Variants in NUBPL observed in about 807,000 individuals in gnomAD.
NUBPL encodes the protein iron-sulfur cluster transfer protein NUBPL.
A neutral mutation model predicts 45.7 loss-of-function variants in NUBPL; 31 were observed. That is an observed-to-expected ratio of 0.68 (90% CI 0.51 to 0.92). The LOEUF is 0.92. Ranked by LOEUF, NUBPL falls within the 40% of genes least tolerant of loss-of-function variation. The pLI is 0.00. For missense variants in NUBPL, 401 were observed against 398.7 expected (o/e 1.01, Z -0.05); for synonymous variants, 144 against 140.9 (o/e 1.02, Z -0.15).
chr14:31,671,151 G>A (rs886296643), intron 4 of NUBPL, among the ~76,000 whole-genome samples: 1 of 152,050 alleles, frequency 6.6e-6, no homozygotes, highest in Admixed American at 6.6e-5. Context: ...TGTTCTTTGA[G>A]CAGTGTTTTG....
intron 4 of NUBPL, among the ~76,000 whole-genome samples, chr14:31,664,389 A>C (rs1461984776): frequency 6.6e-6 from 1 of 152,118 alleles, no homozygotes; most frequent in Non-Finnish European, 1.5e-5. Context: ...AATCGCTTTT[A>C]TTATTTTGAG....
chr14:31,781,124 A>C (rs2039184554), intron 6 of NUBPL, among the ~76,000 whole-genome samples: 1 of 152,238 alleles, frequency 6.6e-6, no homozygotes, highest in Non-Finnish European at 1.5e-5. Flanking sequence ...AAAGACATCA[A>C]AAAGTTCAAA....
At chr14:31,684,063 A>G (rs1170440065) in intron 6 of NUBPL, among the ~76,000 whole-genome samples, 2 of 152,156 alleles carry the variant, frequency 1.3e-5, no homozygotes, top group Non-Finnish European at 1.5e-5. Flanking sequence ...TTCCAGAATT[A>G]CATCCATAGC....
At chr14:31,750,575 T>G (rs1240179485) in intron 6 of NUBPL, among the ~76,000 whole-genome samples, 1 of 152,086 alleles carries the variant, frequency 6.6e-6, no homozygotes, top group Non-Finnish European at 1.5e-5. Flanking sequence ...ATAATTATCA[T>G]GTTCTTTGGA....
At chr14:31,601,703 C>G (rs1377272179) in intron 4 of NUBPL, among the ~76,000 whole-genome samples, 2 of 152,128 alleles carry the variant, frequency 1.3e-5, no homozygotes, top group African/African-American at 2.4e-5. Context: ...CATCTCACAC[C>G]AATTAGAATG....
Position 31,659,424 on chromosome 14 carries a change from G to T in NUBPL, c.383-13931G>T, listed in dbSNP as rs193241370. Among the ~76,000 whole-genome samples the T allele has an allele frequency of 5.3e-5, 8 of 152,276 alleles. No individual in the cohort carries two copies. In the East Asian group the frequency reaches 1.5e-3, roughly 29 times the overall value. ...AAGAATGCTATGATCAATTACTGGT[G>T]ACAAGGCACATATAAAATAGGCTGG... On this transcript the variant is annotated intron_variant, in intron 4 of 10. Transcript: ENST00000281081.
chr14:31,623,426 G>A (rs2035120187), intron 4 of NUBPL, among the ~76,000 whole-genome samples: 1 of 152,184 alleles, frequency 6.6e-6, no homozygotes, highest in South Asian at 2.1e-4. Context: ...AAGGACATAA[G>A]ATTTGGGTGG....
At chr14:31,736,894 G>GT (rs773271846) in intron 6 of NUBPL, among the ~76,000 whole-genome samples, 27 of 152,154 alleles carry the variant, frequency 1.8e-4, no homozygotes, top group Non-Finnish European at 3.2e-4. Context: ...TTGCAGGTGT[G>GT]TTTTGGTATC....
intron 6 of NUBPL, among the ~76,000 whole-genome samples, chr14:31,764,774 C>G (rs1305946398): frequency 6.6e-6 from 1 of 152,098 alleles, no homozygotes; most frequent in Non-Finnish European, 1.5e-5. Flanking sequence ...ATTTAGTGAT[C>G]TTAAGTTTCT....
intron 4 of NUBPL, among the ~76,000 whole-genome samples, chr14:31,634,922 T>A (rs1402893164): frequency 0.14 from 20,541 of 147,400 alleles, 4,249 homozygotes; most frequent in African/African-American, 0.47. Flanking sequence ...CTTCGCCCAC[T>A]TTTTGATGGG....
chr14:31,785,590 T>A lies in NUBPL; in HGVS notation c.514-2190T>A, dbSNP rs1021630180. On this transcript the variant is annotated intron_variant, in intron 6 of 10. Coordinates refer to ENST00000281081, the MANE Select transcript of NUBPL (RefSeq NM_025152.3). ...CCCTGGTGCCAAAAAGGTTGTGGAC[T>A]GCTGTAGTAAGGGATACCTGTAGTT... 2.6e-5 allele frequency among the ~76,000 whole-genome samples: 4 copies of A among 152,230 alleles called. No individual in the cohort carries two copies. In the East Asian group the frequency reaches 7.7e-4, roughly 29 times the overall value.
intron 6 of NUBPL, among the ~76,000 whole-genome samples, chr14:31,712,386 G>A (rs752058518): frequency 1.2e-4 from 18 of 152,214 alleles, no homozygotes; most frequent in Non-Finnish European, 1.8e-4. Context: ...GAGGGAGTTC[G>A]TCCCCTGATC....
chr14:31,756,353 G>A (rs547444289), intron 6 of NUBPL, among the ~76,000 whole-genome samples: 61 of 152,054 alleles, frequency 4.0e-4, no homozygotes, highest in African/African-American at 1.4e-3. Context: ...TCTTCCATTT[G>A]TTTGTATCCT....
In NUBPL at chr14:31,674,806, C is replaced by G. The variant is rs546978966; in HGVS notation, c.513+1232C>G. On this transcript the variant is annotated intron_variant, in intron 6 of 10. Coordinates refer to ENST00000281081, the MANE Select transcript of NUBPL (RefSeq NM_025152.3). ...AGCAGAGGTCCAAATGAAGATTTGG[C>G]AAAAACAAGCTCTCTGACACATAAA... is the stretch of plus-strand genomic sequence containing the variant. Among the ~76,000 whole-genome samples, 4 of 152,184 alleles carry G rather than the reference C, an allele frequency of 2.6e-5. No homozygotes were observed. The South Asian group carries it at 8.3e-4, about 32-fold the overall frequency.
At chr14:31,693,627 GT>G (rs1165893300) in intron 6 of NUBPL, among the ~76,000 whole-genome samples, 1 of 151,880 alleles carries the variant, frequency 6.6e-6, no homozygotes, top group African/African-American at 2.4e-5. Flanking sequence ...TATTGTTATT[GT>G]CAGTTTGGGG....
At chr14:31,671,986 T>G (rs1438953459) in intron 4 of NUBPL, among the ~76,000 whole-genome samples, 1 of 152,202 alleles carries the variant, frequency 6.6e-6, no homozygotes, top group Non-Finnish European at 1.5e-5. Context: ...CAAATCATAT[T>G]TGTTATGGTA....
At chr14:31,803,960 T>C (rs2039638562) in intron 7 of NUBPL, among the ~76,000 whole-genome samples, 1 of 152,168 alleles carries the variant, frequency 6.6e-6, no homozygotes, top group African/African-American at 2.4e-5. Context: ...AGTCTCTCTA[T>C]ATTGCACAGG....
intron 6 of NUBPL, among the ~76,000 whole-genome samples, chr14:31,733,186 G>T (rs756775525): frequency 1.3e-5 from 2 of 152,092 alleles, no homozygotes; most frequent in Non-Finnish European, 2.9e-5. Context: ...TATATAGATA[G>T]GTAGGTAGGT....
rs117709762 is a variant in NUBPL at position 31,672,066 on chromosome 14, T to C, written c.383-1289T>C. Among the ~76,000 whole-genome samples the C allele has an allele frequency of 9.8e-4, 149 of 152,332 alleles. 5 individuals are homozygous for C. The East Asian group carries it at 0.027, about 28-fold the overall frequency. ...ATAGATAGTTTGATAAAACAAATTA[T>C]ATTTTATTGTAATCATTTGTTGACT... On this transcript the variant is annotated intron_variant, in intron 4 of 10. Transcript: ENST00000281081.
Sources: gnomAD v4.1 joint callset for allele counts (sites outside exome capture counted in the v4.1 genomes callset) on GRCh38, gnomAD v4.1.1 for gene constraint, MANE v1.5 for transcripts, NCBI Gene and HGNC (gene_info 2026-07-23, HGNC 2026-07-21) for gene names.